The following SPOUT1 variants were observed in gnomAD, a reference collection of about 807,000 sequenced individuals.
SPOUT1 encodes 28S rRNA (uridine-N(3))-methyltransferase.
SPOUT1 carries 40 observed loss-of-function variants against 54.8 expected under a neutral mutation model. That is an observed-to-expected ratio of 0.73 (90% confidence interval 0.57 to 0.95). The LOEUF (loss-of-function observed/expected upper bound fraction) is 0.95, where lower values mean the gene tolerates loss of function less well. SPOUT1 is among the 40% of genes least tolerant of loss of function. The pLI is 0.00. For synonymous variants in SPOUT1, 193 were observed against 200.3 expected, an observed-to-expected ratio of 0.96 and a Z score of 0.31; for missense variants, 437 against 499.5, an observed-to-expected ratio of 0.87 and a Z score of 1.19.
Position 128,822,534 on chromosome 9 carries a change from C to T in SPOUT1, c.*231G>A, listed in dbSNP as rs1830142384. 3 of 1,559,340 alleles carry T rather than the reference C, an allele frequency of 1.9e-6. No homozygotes were observed. The highest frequency in any genetic ancestry group is 1.4e-5 in the African/African-American group (1 of 73,764). On this transcript the variant is annotated 3_prime_UTR_variant, in exon 12 of 12. Coordinates refer to ENST00000361256, the MANE Select transcript of SPOUT1 (RefSeq NM_016390.4). ...GTGCCCATCGAGAGCATTGAGCGGG[C>T]TTCGGGGCTGCTCTTTGTGCCAAAC...
At position 128,828,740 on chromosome 9, in the gene SPOUT1, T is replaced by TCCTCCTTCTCTGCCGCTG. The variant is rs1830289699; in HGVS notation, c.185_202dup (p.Ala62_Glu67dup). The TCCTCCTTCTCTGCCGCTG allele has an allele frequency of 4.3e-6, 7 of 1,613,472 alleles. No homozygotes were observed. The highest frequency in any genetic ancestry group is 5.9e-6 in the Non-Finnish European group (7 of 1,179,976). ...TCCCCAAGACCCCAGCTCACCGCGG[T>TCCTCCTTCTCTGCCGCTG]CCTCCTTCTCTGCCGCTGCCTCCTC... On this transcript the variant is annotated inframe_insertion, in exon 3 of 12. Transcript: ENST00000361256.
intron 3 of SPOUT1, among the ~76,000 whole-genome samples, chr9:128,827,791 G>A (rs10122365): frequency 0.34 from 51,931 of 152,046 alleles, 10,710 homozygotes; most frequent in African/African-American, 0.59. Context: ...GCATGGTGGC[G>A]CATGCCTGTA....
At chr9:128,823,454 G>A (rs1259804702) in intron 11 of SPOUT1, among the ~76,000 whole-genome samples, 2 of 152,170 alleles carry the variant, frequency 1.3e-5, no homozygotes, top group African/African-American at 4.8e-5. Flanking sequence ...CAGAACCAGG[G>A]CCCTGGGAGA....
intron 3 of SPOUT1, 34 bp from the exon 4 acceptor site, chr9:128,827,225 A>G (rs1460319831): frequency 6.3e-7 from 1 of 1,582,138 alleles, no homozygotes; most frequent in Middle Eastern, 1.7e-4. Context: ...AGCCAGTGTG[A>G]GAGGCAAGGG....
At chr9:128,828,962 G>C in intron 2 of SPOUT1, 102 bp from the exon 3 acceptor site, 3 of 1,567,648 alleles carry the variant, frequency 1.9e-6, no homozygotes, top group South Asian at 2.2e-5. Context: ...AGGGCAGCAA[G>C]GGAGCCTCCC....
In SPOUT1 at chr9:128,829,762, T is replaced by C. The variant is rs759132901; in HGVS notation, c.19A>G (p.Lys7Glu). 14 of 1,602,494 alleles carry C rather than the reference T, an allele frequency of 8.7e-6. No homozygotes were observed. The East Asian group carries it at 2.0e-4, about 23-fold the overall frequency. Residue 7 changes from lysine to glutamate, a missense_variant, in exon 1 of 12, where the codon AAG becomes GAG. Coordinates refer to ENST00000361256, the MANE Select transcript of SPOUT1 (RefSeq NM_016390.4). MAERGR[K>E]RPCGPGEHGQ... ...GCACTTACCGGGCCGCACGGCCGCT[T>C]CCTGCCGCGCTCCGCCATGTTCCGC...
chr9:128,828,745 C>G lies in SPOUT1; in HGVS notation c.198G>C (p.Lys66Asn). ...AAGACCCCAGCTCACCGCGGTCCTC[C>G]TTCTCTGCCGCTGCCTCCTCCTCTT... Reference protein sequence around the residue: ...RLEEEEAAAEKEDRGRPYTLS... With the variant: ...RLEEEEAAAENEDRGRPYTLS... The change falls in exon 3 of 12, where the codon AAG becomes AAC. Residue 66 changes from lysine to asparagine, a missense_variant. By Grantham distance (94) the Lys-to-Asn change is moderately conservative. Transcript: ENST00000361256. 6.2e-7 allele frequency: 1 copy of G among 1,613,882 alleles called. No homozygotes were observed. The highest frequency in any genetic ancestry group is 1.3e-5 in the African/African-American group (1 of 75,062).
At chr9:128,823,015 C>T (rs1289773137) in intron 11 of SPOUT1, among the ~76,000 whole-genome samples, 182 bp from the exon 12 acceptor site, 1 of 152,206 alleles carries the variant, frequency 6.6e-6, no homozygotes, top group Non-Finnish European at 1.5e-5. Flanking sequence ...CCTGGAGGAC[C>T]ACACAGCCTG....
intron 7 of SPOUT1, 149 bp from the exon 8 acceptor site, chr9:128,825,198 G>A: frequency 1.6e-6 from 1 of 634,996 alleles, no homozygotes. Flanking sequence ...GGCACCGGCT[G>A]AACCTGCTCA....
At position 128,829,731 on chromosome 9, in the gene SPOUT1, C is replaced by T; in HGVS notation, c.36+14G>A. On this transcript the variant is annotated intron_variant, in intron 1 of 11. Transcript: ENST00000361256. ...CCATGCTGCCCTGCACGGGGTCCCG[C>T]CGCCCGCACTTACCGGGCCGCACGG... is the stretch of plus-strand genomic sequence containing the variant. 1.3e-6 allele frequency: 2 copies of T among 1,593,400 alleles called. 1 individual carries two copies. The highest frequency in any genetic ancestry group is 1.7e-6 in the Non-Finnish European group (2 of 1,169,412).
chr9:128,829,082 G>A lies in SPOUT1; in HGVS notation c.82+28C>T, dbSNP rs146832690. 309 of 1,604,836 alleles carry A rather than the reference G, an allele frequency of 1.9e-4. 1 individual carries two copies. In the East Asian group the frequency reaches 5.1e-3, roughly 27 times the overall value. Reference sequence around the variant, plus strand: ...TGAGCACTGGTGGAGTGGCCTATGGGAAGATACTCTTACCCACCCTTACTT... The same window carrying A: ...TGAGCACTGGTGGAGTGGCCTATGGAAAGATACTCTTACCCACCCTTACTT... On this transcript the variant is annotated intron_variant, in intron 2 of 11. Coordinates refer to ENST00000361256, the MANE Select transcript of SPOUT1 (RefSeq NM_016390.4).
intron 3 of SPOUT1, among the ~76,000 whole-genome samples, chr9:128,827,428 C>T (rs1443810417): frequency 6.6e-6 from 1 of 152,256 alleles, no homozygotes; most frequent in African/African-American, 2.4e-5. Context: ...TAGCAATGGC[C>T]TAAGTTCACA....
intron 3 of SPOUT1, among the ~76,000 whole-genome samples, chr9:128,828,389 G>T (rs1441598537): frequency 6.6e-6 from 1 of 152,024 alleles, no homozygotes; most frequent in African/African-American, 2.4e-5. Flanking sequence ...CCAACTACTC[G>T]GGGGGCCGAG....
chr9:128,823,007 T>C (rs1015967967), intron 11 of SPOUT1, among the ~76,000 whole-genome samples, 174 bp from the exon 12 acceptor site: 6 of 152,176 alleles, frequency 3.9e-5, no homozygotes, highest in Non-Finnish European at 5.9e-5. Flanking sequence ...ACTTGCCACC[T>C]GGAGGACCAC....
Position 128,822,239 on chromosome 9 carries a change from T to TA in SPOUT1, c.*525dup, listed in dbSNP as rs1830133877. Reference sequence around the variant, plus strand: ...CGTGGTCCTGCAGGTTGACAGAAGTTAGAGGACAGATCAGGGAAGGCTGCC... The same window carrying TA: ...CGTGGTCCTGCAGGTTGACAGAAGTTAAGAGGACAGATCAGGGAAGGCTGCC... On this transcript the variant is annotated 3_prime_UTR_variant, in exon 12 of 12. Transcript: ENST00000361256. 5 of 1,497,804 alleles carry TA rather than the reference T, an allele frequency of 3.3e-6. No individual in the cohort carries two copies. Among genetic ancestry groups the TA allele is most frequent in the East Asian group, 2.3e-5 (1 of 43,460 alleles). The allele number at this position is 1,497,804 out of a possible 1,614,324, so 92.8% of individuals were successfully genotyped here. A position where few individuals can be genotyped will look rare whatever the true frequency, so the allele number is the denominator to read the frequency against.
intron 7 of SPOUT1, 80 bp downstream of exon 7, chr9:128,825,942 C>T: frequency 1.3e-6 from 2 of 1,590,974 alleles, no homozygotes; most frequent in Admixed American, 1.7e-5. Context: ...GTCCAGGGCT[C>T]TCCGCAACAT....
chr9:128,820,734 A>C lies in SPOUT1; in HGVS notation c.*2031T>G, dbSNP rs1234007232. ...AGTCCTGCTAAGCCCTATCTCTCCT[A>C]CCAGGTGCCCCACCTCAACCAGAAT... On this transcript the variant is annotated 3_prime_UTR_variant, in exon 12 of 12. Coordinates refer to ENST00000361256, the MANE Select transcript of SPOUT1 (RefSeq NM_016390.4). 3 of 1,605,824 alleles carry C rather than the reference A, an allele frequency of 1.9e-6. No individual in the cohort carries two copies. Among genetic ancestry groups the C allele is most frequent in the Non-Finnish European group, 2.6e-6 (3 of 1,175,818 alleles).
In SPOUT1 at chr9:128,824,056, C is replaced by A. The variant is rs773837936; in HGVS notation, c.914+16G>T. On this transcript the variant is annotated intron_variant, in intron 10 of 11. Transcript: ENST00000361256. ...ACATTCCTCCTGCCCTGGCCGCAGC[C>A]CCAGGAGGTACACACCTGAAGTTGG... 1.2e-5 allele frequency: 19 copies of A among 1,604,198 alleles called. No homozygotes were observed. The Admixed American group carries it at 3.0e-4, about 25-fold the overall frequency.
At chr9:128,825,525 T>C (rs1049606133) in intron 7 of SPOUT1, among the ~76,000 whole-genome samples, 5 of 152,016 alleles carry the variant, frequency 3.3e-5, no homozygotes, top group African/African-American at 1.2e-4. Flanking sequence ...AGAGACAGGG[T>C]TTCACCATAT....
Sources: gnomAD v4.1 joint callset for allele counts (sites outside exome capture counted in the v4.1 genomes callset) on GRCh38, gnomAD v4.1.1 for gene constraint, MANE v1.5 for transcripts, NCBI Gene and HGNC (gene_info 2026-07-23, HGNC 2026-07-21) for gene names.